Variants in PIK3C2G observed in about 807,000 individuals in gnomAD.
PIK3C2G encodes phosphatidylinositol-4-phosphate 3-kinase catalytic subunit type 2 gamma, also known as phosphatidylinositol 3-kinase C2 domain-containing subunit gamma.
Under a neutral mutation model 181.1 loss-of-function variants are expected in PIK3C2G, and 168 were observed. The ratio of observed to expected loss-of-function variants is 0.93; its 90% CI spans 0.82 to 1.05. The LOEUF (loss-of-function observed/expected upper bound fraction) is 1.05. Among genes scored for constraint, PIK3C2G ranks in the 50% least tolerant of loss-of-function variants. The pLI is 0.00. For synonymous variants in PIK3C2G, 573 were observed against 592.2 expected, an observed-to-expected ratio of 0.97 and a Z score of 0.47; for missense variants, 1,869 against 1,732.8, an observed-to-expected ratio of 1.08 and a Z score of -1.40.
chr12:18,496,935 A>G (rs1941062095), intron 21 of PIK3C2G, among the ~76,000 whole-genome samples: 1 of 152,100 alleles, frequency 6.6e-6, no homozygotes. Context: ...TCTTGGCAGG[A>G]TTTTCCGTGT....
intron 20 of PIK3C2G, among the ~76,000 whole-genome samples, 195 bp from the exon 21 acceptor site, chr12:18,495,867 C>T (rs1565448480): frequency 6.6e-6 from 1 of 152,072 alleles, no homozygotes; most frequent in East Asian, 1.9e-4. Flanking sequence ...AAAGTAAAGG[C>T]TCCAGTTGAT....
chr12:18,538,459 C>T, intron 25 of PIK3C2G, 147 bp downstream of exon 25: 1 of 590,546 alleles, frequency 1.7e-6, no homozygotes, highest in Non-Finnish European at 2.9e-6. Context: ...CATTGTACAG[C>T]TTATAAACGT....
intron 13 of PIK3C2G, among the ~76,000 whole-genome samples, chr12:18,379,217 A>T (rs920362596): frequency 6.6e-6 from 1 of 151,952 alleles, no homozygotes; most frequent in African/African-American, 2.4e-5. Context: ...CTTTGTAGGG[A>T]CATGGATGAA....
intron 18 of PIK3C2G, among the ~76,000 whole-genome samples, chr12:18,445,069 G>A (rs1410097733): frequency 1.3e-5 from 2 of 152,018 alleles, no homozygotes; most frequent in Non-Finnish European, 2.9e-5. Context: ...ATGGTGTTTG[G>A]ATGGCCAGCT....
chr12:18,408,410 C>G (rs958965008), intron 16 of PIK3C2G, among the ~76,000 whole-genome samples: 1 of 152,040 alleles, frequency 6.6e-6, no homozygotes, highest in Non-Finnish European at 1.5e-5. Flanking sequence ...CTGTTCTGTT[C>G]CATTGGTCTT....
chr12:18,536,392 G>A (rs1224065261), intron 24 of PIK3C2G, among the ~76,000 whole-genome samples: 2 of 152,090 alleles, frequency 1.3e-5, no homozygotes, highest in Non-Finnish European at 2.9e-5. Flanking sequence ...ACCATACCAA[G>A]AGTCAAGTGC....
At chr12:18,332,923 T>C (rs1938133031) in intron 8 of PIK3C2G, among the ~76,000 whole-genome samples, 1 of 152,136 alleles carries the variant, frequency 6.6e-6, no homozygotes, top group Non-Finnish European at 1.5e-5. Flanking sequence ...GAAAAGCTGG[T>C]AGGCGTCCAT....
At chr12:18,609,462 T>G in intron 30 of PIK3C2G, 73 bp from the exon 31 acceptor site, 4 of 812,840 alleles carry the variant, frequency 4.9e-6, no homozygotes, top group Non-Finnish European at 8.2e-6. Context: ...CCTGTTTTAG[T>G]TTTTAAATGT....
intron 24 of PIK3C2G, among the ~76,000 whole-genome samples, chr12:18,509,296 C>A (rs1475591685): frequency 6.6e-6 from 1 of 152,194 alleles, no homozygotes; most frequent in African/African-American, 2.4e-5. Context: ...AATTCGCCCG[C>A]CTCGGCCTCT....
At chr12:18,436,575 A>T (rs12308471) in intron 18 of PIK3C2G, among the ~76,000 whole-genome samples, 21,482 of 151,978 alleles carry the variant, frequency 0.14, 1,969 homozygotes, top group Non-Finnish European at 0.21. Context: ...CATTGCACAC[A>T]GTATACAATT....
chr12:18,723,804 A>G, the PIK3C2G span, among the ~76,000 whole-genome samples: 3 of 152,102 alleles, frequency 2.0e-5, no homozygotes, highest in Non-Finnish European at 2.9e-5. Context: ...TTGTCTTTCA[A>G]TTTCACATTT....
At chr12:18,422,808 A>G (rs941065484) in intron 17 of PIK3C2G, among the ~76,000 whole-genome samples, 6 of 152,110 alleles carry the variant, frequency 3.9e-5, no homozygotes, top group African/African-American at 1.4e-4. Flanking sequence ...ATGCTCATAT[A>G]ATATGCTCAC....
At chr12:18,592,300 G>A (rs187043025) in intron 29 of PIK3C2G, among the ~76,000 whole-genome samples, 34 of 151,846 alleles carry the variant, frequency 2.2e-4, no homozygotes, top group Admixed American at 2.0e-3. Context: ...ACAAGCAAAA[G>A]GAAAAGGAGT....
chr12:18,603,139 A>C (rs1043412062), intron 30 of PIK3C2G, among the ~76,000 whole-genome samples: 2 of 152,198 alleles, frequency 1.3e-5, no homozygotes, highest in South Asian at 2.1e-4. Context: ...ACAAGAAGTG[A>C]AGGGAAAAAT....
intron 1 of PIK3C2G, among the ~76,000 whole-genome samples, chr12:18,250,662 A>G (rs1441325710): frequency 6.6e-6 from 1 of 151,992 alleles, no homozygotes; most frequent in Admixed American, 6.6e-5. Context: ...TAAAATCACC[A>G]TTTTCCTATG....
chr12:18,600,457 C>G (rs1253965629), intron 30 of PIK3C2G, among the ~76,000 whole-genome samples: 1 of 151,408 alleles, frequency 6.6e-6, no homozygotes, highest in South Asian at 2.1e-4. Context: ...ACCAAATAAA[C>G]CAAAAAAGGA....
intron 6 of PIK3C2G, among the ~76,000 whole-genome samples, chr12:18,315,105 T>C (rs1157026310): frequency 6.6e-6 from 1 of 152,200 alleles, no homozygotes; most frequent in African/African-American, 2.4e-5. Context: ...CCCTGTCATT[T>C]ATATTAAGTA....
intron 1 of PIK3C2G, among the ~76,000 whole-genome samples, chr12:18,253,502 T>C (rs975213142): frequency 2.0e-5 from 3 of 152,166 alleles, no homozygotes; most frequent in African/African-American, 2.4e-5. Flanking sequence ...GATATTATCA[T>C]ACGAGTCAGA....
intron 20 of PIK3C2G, among the ~76,000 whole-genome samples, chr12:18,494,924 A>AGTTT (rs1269712670): frequency 6.6e-6 from 1 of 152,050 alleles, no homozygotes; most frequent in Non-Finnish European, 1.5e-5. Context: ...ATTTCTAACT[A>AGTTT]AACAATCCCT....
Sources: allele counts gnomAD v4.1 joint callset (sites outside exome capture counted in the v4.1 genomes callset), GRCh38; gene constraint gnomAD v4.1.1; transcripts MANE v1.5; gene names NCBI Gene and HGNC (gene_info 2026-07-23, HGNC 2026-07-21).